The following OSGEP variants were observed in gnomAD, a reference collection of about 807,000 sequenced individuals.
The protein encoded by OSGEP is O-sialoglycoprotein endopeptidase, also known as tRNA N6-adenosine threonylcarbamoyltransferase.
A neutral mutation model predicts 44.1 loss-of-function variants in OSGEP; 39 were observed. That is an observed-to-expected ratio of 0.88 (90% confidence interval 0.69 to 1.16). OSGEP has a LOEUF of 1.16. Ranked by LOEUF, OSGEP falls within the 50% of genes most tolerant of loss-of-function variation. The pLI, the probability that OSGEP is intolerant of heterozygous loss-of-function variation, is 0.00. For synonymous variants in OSGEP, 139 were observed against 161.9 expected, an observed-to-expected ratio of 0.86 and a Z score of 1.07; for missense variants, 403 against 443.1, an observed-to-expected ratio of 0.91 and a Z score of 0.81.
At chr14:20,452,226 TGGGGTA>T (rs761793089) in intron 2 of OSGEP, 77 bp from the exon 3 acceptor site, 487 of 1,579,872 alleles carry the variant, frequency 3.1e-4, no homozygotes, top group Non-Finnish European at 4.1e-4. Flanking sequence ...GGATGTGAGG[TGGGGTA>T]GGGGTAGTGA....
In OSGEP at chr14:20,447,271, G is replaced by A; in HGVS notation, c.977C>T (p.Thr326Ile). ...SDSGVTQRYRTDEVEVTWRD is the reference protein window; with the variant it reads ...SDSGVTQRYRIDEVEVTWRD ...CCTCCAGGTCACCTCTACTTCATCT[G>A]TCCGATACCTGTGGAAAAACAGAAG... Residue 326 changes from threonine (T) to isoleucine (I), a missense_variant, in exon 11 of 11, where the codon ACA (threonine) becomes ATA (isoleucine). Thr to Ile is a moderately conservative substitution (Grantham distance 89). Coordinates refer to ENST00000206542, the MANE Select transcript of OSGEP (RefSeq NM_017807.4). 1 of 1,614,088 alleles carries A rather than the reference G, an allele frequency of 6.2e-7. No individual in the cohort carries two copies. The highest frequency in any genetic ancestry group is 8.5e-7 in the Non-Finnish European group (1 of 1,179,938).
At chr14:20,452,299 C>T (rs1430876374) in intron 2 of OSGEP, 30 bp downstream of exon 2, 1 of 1,612,030 alleles carries the variant, frequency 6.2e-7, no homozygotes, top group African/African-American at 1.3e-5. Context: ...AGGTATATTC[C>T]TCCATCGTTG....
intron 6 of OSGEP, 104 bp downstream of exon 6, chr14:20,448,629 G>T: frequency 1.3e-6 from 1 of 787,514 alleles, no homozygotes. Flanking sequence ...CCAGTACTGT[G>T]CTACATGAAT....
In OSGEP at chr14:20,447,059, C is replaced by T; in HGVS notation, c.*181G>A. On this transcript the variant is annotated 3_prime_UTR_variant, in exon 11 of 11. Coordinates refer to ENST00000206542, the MANE Select transcript of OSGEP (RefSeq NM_017807.4). ...ACAACACAATCCAATCACCAACATA[C>T]AAAACCAAAAAACCAAAAATATTTT... is the stretch of plus-strand genomic sequence containing the variant. 1.6e-6 allele frequency: 1 copy of T among 620,922 alleles called. No homozygotes were observed. 38.5% of individuals were successfully genotyped at this position (620,922 alleles called of 1,614,324 possible).
At position 20,452,113 on chromosome 14, in the gene OSGEP, A is replaced by G. The variant is rs76107113; in HGVS notation, c.272T>C (p.Val91Ala). The G allele has an allele frequency of 1.2e-6, 2 of 1,612,960 alleles. No homozygotes were observed. Among genetic ancestry groups the G allele is most frequent in the Non-Finnish European group, 1.7e-6 (2 of 1,179,658 alleles). The stretch of plus-strand genomic sequence containing the variant: ...CAGTTGGGCCACAGTACGGGCCACA[A>G]CAGCCACAGAAACCAGTGGGGCACC... ...GMGAPLVSVA[V>A]VARTVAQLWN... is the part of the protein sequence containing the mutation. The change falls in exon 3 of 11, where the codon GTT (valine) becomes GCT (alanine). Residue 91 changes from valine to alanine, a missense_variant. Val to Ala is a moderately conservative substitution (Grantham distance 64). Coordinates refer to ENST00000206542, the MANE Select transcript of OSGEP (RefSeq NM_017807.4).
chr14:20,448,071 C>G, intron 7 of OSGEP, 35 bp downstream of exon 7: 1 of 1,597,444 alleles, frequency 6.3e-7, no homozygotes, highest in Non-Finnish European at 8.6e-7. Context: ...AAACCTTCAG[C>G]CCCAACTTTC....
intron 6 of OSGEP, 81 bp from the exon 7 acceptor site, chr14:20,448,252 G>T: frequency 9.1e-7 from 1 of 1,093,954 alleles, no homozygotes; most frequent in Non-Finnish European, 1.4e-6. Flanking sequence ...TGCATTCGGA[G>T]GGTCATCATG....
intron 1 of OSGEP, among the ~76,000 whole-genome samples, chr14:20,452,697 C>T (rs1187973283): frequency 1.4e-5 from 2 of 147,336 alleles, no homozygotes; most frequent in South Asian, 2.2e-4. Context: ...TACCTCATAC[C>T]CTTTCGTGAT....
intron 1 of OSGEP, among the ~76,000 whole-genome samples, chr14:20,453,369 AC>A (rs11475921): frequency 0.31 from 41,635 of 135,972 alleles, 5,974 homozygotes; most frequent in Middle Eastern, 0.42. Flanking sequence ...TGTGTTTTGT[AC>A]TTTTTTTTTT....
In OSGEP at chr14:20,454,628, A is replaced by ACCACGC. The variant is rs1881218669; in HGVS notation, c.50_55dup (p.Gly17_Val18dup). ...GTTCGCCAGCACCTTGCCATCCCGC[A>ACCACGC]CCACGCCCACGCCAATCTTATTGGC... On this transcript the variant is annotated inframe_insertion, in exon 1 of 11. Coordinates refer to ENST00000206542, the MANE Select transcript of OSGEP (RefSeq NM_017807.4). 1 of 1,614,082 alleles carries ACCACGC rather than the reference A, an allele frequency of 6.2e-7. No homozygotes were observed. Among genetic ancestry groups the ACCACGC allele is most frequent in the South Asian group, 1.1e-5 (1 of 91,088 alleles).
chr14:20,448,925 C>T, intron 5 of OSGEP, 39 bp downstream of exon 5: 1 of 1,608,398 alleles, frequency 6.2e-7, no homozygotes, highest in Non-Finnish European at 8.5e-7. Context: ...ATCCCTGAAG[C>T]CCCAGCAGCC....
intron 6 of OSGEP, 75 bp downstream of exon 6, chr14:20,448,658 T>C: frequency 2.9e-6 from 3 of 1,049,316 alleles, no homozygotes; most frequent in Non-Finnish European, 4.5e-6. Flanking sequence ...CTATACGAAA[T>C]ATAATCGTAA....
At chr14:20,448,282 A>C (rs748796708) in intron 6 of OSGEP, 111 bp from the exon 7 acceptor site, 20 of 852,322 alleles carry the variant, frequency 2.3e-5, no homozygotes, top group Non-Finnish European at 3.7e-5. Context: ...AATTCAAGTT[A>C]CCAGCACATC....
At chr14:20,449,481 C>A in intron 3 of OSGEP, 1 of 542,540 alleles carries the variant, frequency 1.8e-6, no homozygotes. Flanking sequence ...GATTCCTAGA[C>A]AGTGTAGGTT....
Position 20,446,959 on chromosome 14 carries a change from G to T in OSGEP, c.*281C>A. 1.2e-5 allele frequency: 4 copies of T among 334,636 alleles called. No homozygotes were observed. The highest frequency in any genetic ancestry group is 9.5e-5 in the East Asian group (2 of 21,104). The allele number at this position is 334,636 out of a possible 1,614,324, so 20.7% of individuals were successfully genotyped here. ...TCCGTTTCTTAAAAAAAAAAAAAAA[G>T]ATACCTCATTCTTGGTTCCACAGCA... On this transcript the variant is annotated 3_prime_UTR_variant, in exon 11 of 11. Transcript: ENST00000206542.
Position 20,449,215 on chromosome 14 carries a change from T to C in OSGEP, c.463A>G (p.Ile155Val). The C allele has an allele frequency of 6.2e-7, 1 of 1,613,536 alleles. No individual in the cohort carries two copies. The highest frequency in any genetic ancestry group is 8.5e-7 in the Non-Finnish European group (1 of 1,179,476). ...RYRIFGETID[I>V]AVGNCLDRFA... ...CGATCCAGACAATTACCCACTGCAATATCGATGGTTTCCCCAAAGATACGG... is the reference window on the plus strand; with the variant it reads ...CGATCCAGACAATTACCCACTGCAACATCGATGGTTTCCCCAAAGATACGG... The change falls in exon 4 of 11, where the codon ATT becomes GTT. Residue 155 changes from isoleucine (I) to valine (V), a missense_variant. Physicochemically the swap from Ile to Val is conservative, Grantham distance 29 (BLOSUM62 3). Transcript: ENST00000206542.
intron 8 of OSGEP, 41 bp from the exon 9 acceptor site, chr14:20,447,731 A>G: frequency 6.6e-7 from 1 of 1,513,144 alleles, no homozygotes; most frequent in South Asian, 1.1e-5. Context: ...AGTTTTAGCC[A>G]TCTCTTCATG....
rs370708003 is a variant in OSGEP at position 20,448,143 on chromosome 14, C to T, written c.665G>A (p.Gly222Asp). The change falls in exon 7 of 11, where the codon GGC (glycine) becomes GAC (aspartate). Residue 222 changes from glycine to aspartate, a missense_variant. By Grantham distance (94) the Gly-to-Asp change is moderately conservative. Transcript: ENST00000206542. ...EDVAHRMLAT[G>D]ECTPEDLCFS... ...ACACAGATCCTCAGGAGTACACTCG[C>T]CTGTGGCCAGCATCCGATGGGCTAC... is the stretch of plus-strand genomic sequence containing the variant. 1.9e-6 allele frequency: 3 copies of T among 1,613,630 alleles called. No individual in the cohort carries two copies. The highest frequency in any genetic ancestry group is 2.5e-6 in the Non-Finnish European group (3 of 1,179,628).
At chr14:20,448,208 C>G (rs752621277) in intron 6 of OSGEP, 37 bp from the exon 7 acceptor site, 1 of 1,578,414 alleles carries the variant, frequency 6.3e-7, no homozygotes, top group Non-Finnish European at 8.7e-7. Flanking sequence ...ATCAACAAAT[C>G]ATGGTTTTGG....
Sources: gnomAD v4.1 joint callset for allele counts (sites outside exome capture counted in the v4.1 genomes callset) on GRCh38, gnomAD v4.1.1 for gene constraint, MANE v1.5 for transcripts, NCBI Gene and HGNC (gene_info 2026-07-23, HGNC 2026-07-21) for gene names.